The following KCTD10 variants were observed in gnomAD, a reference collection of about 807,000 sequenced individuals.
The protein encoded by KCTD10 is potassium channel tetramerization domain containing 10, also known as BTB/POZ domain-containing adapter for CUL3-mediated RhoA degradation protein 3.
In KCTD10, 13 loss-of-function variants were observed where a neutral mutation model predicts 34.6. The observed-to-expected ratio is 0.38, with a 90% CI of 0.24 to 0.60. KCTD10 has a LOEUF of 0.60. Ranked by LOEUF, KCTD10 falls within the 20% of genes least tolerant of loss-of-function variation. The pLI is 0.66. For synonymous variants in KCTD10, 156 were observed against 168.8 expected, an observed-to-expected ratio of 0.92 and a Z score of 0.59; for missense variants, 256 against 420.3, an observed-to-expected ratio of 0.61 and a Z score of 3.42.
intron 1 of KCTD10, chr12:109,470,083 G>A: frequency 1.8e-6 from 2 of 1,095,542 alleles, no homozygotes; most frequent in South Asian, 5.9e-5. Context: ...CCTAACTCTT[G>A]TGTTATAAGC....
intron 3 of KCTD10, chr12:109,459,141 C>T (rs1249542844): frequency 2.0e-5 from 3 of 151,904 alleles, no homozygotes; most frequent in Admixed American, 2.0e-4. Flanking sequence ...AAGATGAGCA[C>T]GCTGTGGAAA....
At chr12:109,465,371 T>G (rs1168645708) in intron 2 of KCTD10, among the ~76,000 whole-genome samples, 3 of 152,184 alleles carry the variant, frequency 2.0e-5, no homozygotes, top group Admixed American at 1.3e-4. Context: ...AGCGCCTTGT[T>G]TAGGGACATG....
chr12:109,463,378 C>G (rs995191640), intron 2 of KCTD10, among the ~76,000 whole-genome samples: 5 of 152,192 alleles, frequency 3.3e-5, no homozygotes, highest in Non-Finnish European at 7.3e-5. Flanking sequence ...GCACACTCTC[C>G]AGGAGGTTTC....
Position 109,460,532 on chromosome 12 carries a change from CTCAG to C in KCTD10, c.387+100_387+103del, listed in dbSNP as rs1873262223. 2.4e-6 allele frequency: 3 copies of C among 1,257,090 alleles called. No homozygotes were observed. The highest frequency in any genetic ancestry group is 3.0e-5 in the African/African-American group (2 of 67,022). The allele number at this position is 1,257,090 out of a possible 1,614,324, so 77.9% of individuals were successfully genotyped here. A position where few individuals can be genotyped will look rare whatever the true frequency, so the allele number is the denominator to read the frequency against. On this transcript the variant is annotated intron_variant, in intron 3 of 6. Transcript: ENST00000228495. The surrounding 1 kb of genome is among the most constrained non-coding windows in gnomAD (Gnocchi z 4.5). ...GCAAACTCATTAACTCTCACAACAT[CTCAG>C]TCAGACAGAAACTGCCCCCATTTTG...
chr12:109,461,907 T>G (rs1299647119), intron 2 of KCTD10, among the ~76,000 whole-genome samples: 1 of 152,152 alleles, frequency 6.6e-6, no homozygotes, highest in Non-Finnish European at 1.5e-5. Flanking sequence ...TAGGAATCGG[T>G]CACTTTATGC....
In KCTD10 at chr12:109,464,816, A is replaced by C. The variant is rs539022233; in HGVS notation, c.218-4011T>G. The C allele has an allele frequency of 9.2e-5, 42 of 456,092 alleles. No homozygotes were observed. In the East Asian group the frequency reaches 2.8e-3, roughly 30 times the overall value. 28.3% of individuals were successfully genotyped at this position (456,092 alleles called of 1,614,324 possible). On this transcript the variant is annotated intron_variant, in intron 2 of 6. Transcript: ENST00000228495. ...AATAATTAAAAGGTTGGACAGTGCC[A>C]AGGGTTGGCAAAAATCCAGACTTCT...
At chr12:109,455,771 A>C (rs773524441) in intron 6 of KCTD10, among the ~76,000 whole-genome samples, 1 of 152,250 alleles carries the variant, frequency 6.6e-6, no homozygotes, top group African/African-American at 2.4e-5. Context: ...CACTATGCAG[A>C]GCAATCCAGC....
At position 109,469,616 on chromosome 12, in the gene KCTD10, C is replaced by T. The variant is rs532073863; in HGVS notation, c.116G>A (p.Gly39Asp). The T allele has an allele frequency of 3.1e-6, 5 of 1,614,102 alleles. No homozygotes were observed. The highest frequency in any genetic ancestry group is 4.2e-6 in the Non-Finnish European group (5 of 1,180,050). ...CATGGTGGTATAGTAGAGGGCTCCA[C>T]CCACATTCAGCTTCACGTATTTGGA... ...PSSKYVKLNV[G>D]GALYYTTMQT... is the part of the protein sequence containing the mutation. Residue 39 changes from glycine to aspartate, a missense_variant, in exon 2 of 7, where the codon GGT becomes GAT. Gly to Asp is a moderately conservative substitution (Grantham distance 94). Transcript: ENST00000228495.
intron 2 of KCTD10, among the ~76,000 whole-genome samples, chr12:109,462,768 T>C (rs1873401768): frequency 6.6e-6 from 1 of 152,158 alleles, no homozygotes. Context: ...GATTTTTCTG[T>C]GAATTCCCTG....
intron 1 of KCTD10, among the ~76,000 whole-genome samples, chr12:109,475,196 AG>A (rs1874099052): frequency 6.6e-6 from 1 of 152,094 alleles, no homozygotes; most frequent in Non-Finnish European, 1.5e-5. Flanking sequence ...ATGCCAGGCC[AG>A]GCACAGTGGC....
In KCTD10 at chr12:109,460,550, G is replaced by A. The variant is rs1315058700; in HGVS notation, c.387+86C>T. 7.4e-7 allele frequency: 1 copy of A among 1,359,740 alleles called. No homozygotes were observed. Among genetic ancestry groups the A allele is most frequent in the Non-Finnish European group, 1.0e-6 (1 of 978,064 alleles). 84.2% of individuals were successfully genotyped at this position (1,359,740 alleles called of 1,614,324 possible). A position where few individuals can be genotyped will look rare whatever the true frequency, so the allele number is the denominator to read the frequency against. ...ACAACATCTCAGTCAGACAGAAACT[G>A]CCCCCATTTTGCAGAGAGGGAAAAT... On this transcript the variant is annotated intron_variant, in intron 3 of 6. Coordinates refer to ENST00000228495, the MANE Select transcript of KCTD10 (RefSeq NM_031954.5). This position sits in a 1 kb window ranked among gnomAD's most constrained non-coding sequence, Gnocchi z 4.5.
chr12:109,454,590 G>A (rs1407805733), intron 6 of KCTD10, among the ~76,000 whole-genome samples: 1 of 152,150 alleles, frequency 6.6e-6, no homozygotes, highest in Non-Finnish European at 1.5e-5. Flanking sequence ...TGAGCCAGGT[G>A]TAGTAGCATG....
At chr12:109,462,613 C>T (rs549317622) in intron 2 of KCTD10, among the ~76,000 whole-genome samples, 16 of 152,302 alleles carry the variant, frequency 1.1e-4, no homozygotes, top group Non-Finnish European at 1.8e-4. Flanking sequence ...TGCAGCTGGG[C>T]GGGGCTGAGG....
chr12:109,460,903 G>T lies in KCTD10; in HGVS notation c.218-98C>A, dbSNP rs1873288158. 2.4e-6 allele frequency: 3 copies of T among 1,243,024 alleles called. No individual in the cohort carries two copies. The highest frequency in any genetic ancestry group is 4.3e-5 in the Admixed American group (2 of 46,750). 77.0% of individuals were successfully genotyped at this position (1,243,024 alleles called of 1,614,324 possible). Reference sequence around the variant, plus strand: ...GTCTCTCGGCTCCCTCTACCTCCCAGCGGAGAGCGGGACTGCCTGGAGAAT... The same window carrying T: ...GTCTCTCGGCTCCCTCTACCTCCCATCGGAGAGCGGGACTGCCTGGAGAAT... On this transcript the variant is annotated intron_variant, in intron 2 of 6. Coordinates refer to ENST00000228495, the MANE Select transcript of KCTD10 (RefSeq NM_031954.5). The surrounding 1 kb of genome is among the most constrained non-coding windows in gnomAD (Gnocchi z 4.5).
chr12:109,465,342 C>T (rs1219394897), intron 2 of KCTD10, among the ~76,000 whole-genome samples: 1 of 152,196 alleles, frequency 6.6e-6, no homozygotes, highest in African/African-American at 2.4e-5. Flanking sequence ...ATTTACATCA[C>T]GTTTAAAAAC....
intron 1 of KCTD10, among the ~76,000 whole-genome samples, chr12:109,474,905 C>G (rs1874078740): frequency 6.6e-6 from 1 of 152,114 alleles, no homozygotes; most frequent in Non-Finnish European, 1.5e-5. Flanking sequence ...TCTTGTGTGC[C>G]TGTGTGTGTG....
intron 1 of KCTD10, among the ~76,000 whole-genome samples, chr12:109,472,631 G>A (rs1471404674): frequency 6.6e-6 from 1 of 151,974 alleles, no homozygotes. Context: ...GTACATAATT[G>A]TGTGTGCTAG....
At chr12:109,461,330 C>G (rs899735883) in intron 2 of KCTD10, among the ~76,000 whole-genome samples, 5 of 152,230 alleles carry the variant, frequency 3.3e-5, no homozygotes, top group African/African-American at 1.2e-4. Flanking sequence ...TAGACACTGA[C>G]CAGCACCAAC....
chr12:109,470,384 G>A (rs1873826101), intron 1 of KCTD10: 1 of 985,416 alleles, frequency 1.0e-6, no homozygotes, highest in African/African-American at 1.7e-5. Flanking sequence ...TCCTAGACTA[G>A]TGCTGCCCAA....
Sources: allele counts gnomAD v4.1 joint callset (sites outside exome capture counted in the v4.1 genomes callset), GRCh38; gene constraint gnomAD v4.1.1; non-coding constraint Gnocchi (gnomAD v3.1); transcripts MANE v1.5; gene names NCBI Gene and HGNC (gene_info 2026-07-23, HGNC 2026-07-21).